CALN1: variants seen among roughly 807,000 people sequenced by gnomAD.
The protein encoded by CALN1 is calneuron 1.
In CALN1, 17 loss-of-function variants were observed where a neutral mutation model predicts 30.6. The ratio of observed to expected loss-of-function variants is 0.56; its 90% CI spans 0.38 to 0.83. CALN1 has a LOEUF of 0.83. CALN1 is among the 40% of genes least tolerant of loss of function. The pLI, the probability that CALN1 is intolerant of heterozygous loss-of-function variation, is 0.00. For missense variants in CALN1, 291 were observed against 354.9 expected (o/e 0.82, Z 1.45); for synonymous variants, 156 against 131.4 (o/e 1.19, Z -1.28).
intron 5 of CALN1, among the ~76,000 whole-genome samples, chr7:71,920,651 T>C (rs536597426): frequency 6.6e-6 from 1 of 152,178 alleles, no homozygotes; most frequent in South Asian, 2.1e-4. Flanking sequence ...TTAGTTTTTT[T>C]ATGGACAGTT....
At chr7:72,099,723 C>T (rs1044001771) in intron 4 of CALN1, among the ~76,000 whole-genome samples, 2 of 152,074 alleles carry the variant, frequency 1.3e-5, no homozygotes, top group African/African-American at 4.8e-5. Context: ...GGATTTTGTA[C>T]TAAATCTTTT....
the CALN1 span, among the ~76,000 whole-genome samples, chr7:72,483,301 T>TTTTTG: frequency 8.0e-6 from 1 of 124,290 alleles, no homozygotes; most frequent in African/African-American, 3.0e-5. Context: ...TTTTTTTTTT[T>TTTTTG]TGAGACAAAG....
At chr7:72,202,449 AAG>A (rs1480582545) in intron 3 of CALN1, among the ~76,000 whole-genome samples, 1 of 152,236 alleles carries the variant, frequency 6.6e-6, no homozygotes, top group Non-Finnish European at 1.5e-5. Flanking sequence ...GTTCTATAAA[AAG>A]AGATCCTCAC....
chr7:72,076,554 C>T (rs547354696), intron 4 of CALN1, among the ~76,000 whole-genome samples: 9 of 135,076 alleles, frequency 6.7e-5, no homozygotes, highest in East Asian at 4.2e-4. Context: ...GCCGAGATCA[C>T]GCCACTGCAC....
At chr7:72,330,093 G>C (rs1801561301) in intron 2 of CALN1, among the ~76,000 whole-genome samples, 1 of 152,034 alleles carries the variant, frequency 6.6e-6, no homozygotes, top group South Asian at 2.1e-4. Context: ...AGGAGTTCAA[G>C]ACCAGCCTGG....
chr7:72,083,094 G>A (rs1805255704), intron 4 of CALN1, among the ~76,000 whole-genome samples: 2 of 152,036 alleles, frequency 1.3e-5, no homozygotes, highest in South Asian at 4.2e-4. Flanking sequence ...CCAGCTACTC[G>A]GGAGACTGAG....
intron 5 of CALN1, among the ~76,000 whole-genome samples, chr7:71,861,048 C>A (rs1411732799): frequency 6.6e-6 from 1 of 152,040 alleles, no homozygotes; most frequent in Non-Finnish European, 1.5e-5. Context: ...TACAGAGAGG[C>A]AGAACAAGGA....
chr7:72,030,235 A>G (rs1189157341), intron 4 of CALN1, among the ~76,000 whole-genome samples: 1 of 152,164 alleles, frequency 6.6e-6, no homozygotes, highest in African/African-American at 2.4e-5. Context: ...TTGTTACTCA[A>G]TGAGCAAAGG....
chr7:72,389,014 G>C (rs772083158), intron 2 of CALN1, among the ~76,000 whole-genome samples: 17 of 152,134 alleles, frequency 1.1e-4, no homozygotes, highest in Non-Finnish European at 2.5e-4. Flanking sequence ...CTCTGTTCTG[G>C]AAACACCCTG....
chr7:72,263,278 T>A (rs921841842), intron 3 of CALN1, among the ~76,000 whole-genome samples: 4 of 152,208 alleles, frequency 2.6e-5, no homozygotes, highest in African/African-American at 7.2e-5. Context: ...TCTCTTATTA[T>A]CCCTATAAAG....
chr7:72,209,073 C>T (rs1302700070), intron 3 of CALN1, among the ~76,000 whole-genome samples: 2 of 133,382 alleles, frequency 1.5e-5, no homozygotes, highest in African/African-American at 2.9e-5. Context: ...ATCCTGTCCT[C>T]TCTCCTTCCC....
Position 71,781,976 on chromosome 7 carries a change from T to G in CALN1, c.*5799A>C, listed in dbSNP as rs1011061427. 1.3e-5 allele frequency: 2 copies of G among 152,218 alleles called. No individual in the cohort carries two copies. The highest frequency in any genetic ancestry group is 2.9e-5 in the Non-Finnish European group (2 of 68,046). 9.4% of individuals were successfully genotyped at this position (152,218 alleles called of 1,614,324 possible). A position where few individuals can be genotyped will look rare whatever the true frequency, so the allele number is the denominator to read the frequency against. The stretch of plus-strand genomic sequence containing the variant: ...GGAGACGTTTTGAACAGTATTGTCA[T>G]GTCTCTCGAGACCCTATGAAGAGTC... On this transcript the variant is annotated 3_prime_UTR_variant, in exon 7 of 7. Coordinates refer to ENST00000395275, the MANE Select transcript of CALN1 (RefSeq NM_031468.4).
chr7:72,446,712 C>T (rs1001451282), intron 1 of CALN1, among the ~76,000 whole-genome samples: 2 of 152,068 alleles, frequency 1.3e-5, no homozygotes, highest in African/African-American at 4.8e-5. Context: ...GGGAAAGGAC[C>T]CGGCCGGGAG....
At chr7:72,359,993 C>CAAAAAAAAAA (rs1267520809) in intron 2 of CALN1, among the ~76,000 whole-genome samples, 55 of 78,356 alleles carry the variant, frequency 7.0e-4, no homozygotes, top group East Asian at 2.2e-3. Context: ...AAAAAAAAAC[C>CAAAAAAAAAA]AAAGTTGACC....
intron 5 of CALN1, among the ~76,000 whole-genome samples, chr7:71,979,636 C>CA (rs1327774477): frequency 1.3e-5 from 2 of 152,110 alleles, no homozygotes; most frequent in African/African-American, 4.8e-5. Flanking sequence ...TGCTTCCTAA[C>CA]AGGTCATGGA....
chr7:72,445,057 AACACACACACACACACACACACAC>A lies in CALN1; in HGVS notation c.-226+1961_-226+1984del, dbSNP rs4029789. ...AAAGCCAGCAGCCATCAGTGAATTA[AACACACACACACACACACACACAC>A]ACACACACACACACACACACACACA... On this transcript the variant is annotated intron_variant, in intron 1 of 6. Coordinates refer to the CALN1 transcript ENST00000395276. 2.2e-5 allele frequency among the ~76,000 whole-genome samples: 3 copies of A among 138,944 alleles called. No homozygotes were observed. In the East Asian group the frequency reaches 6.4e-4, roughly 30 times the overall value. The allele number at this position is 138,944 out of a possible 152,430, so 91.2% of individuals were successfully genotyped here.
chr7:72,325,985 T>C (rs986217307), intron 2 of CALN1, among the ~76,000 whole-genome samples: 2 of 152,196 alleles, frequency 1.3e-5, no homozygotes, highest in Non-Finnish European at 2.9e-5. Context: ...CACTGCAACC[T>C]CCACCTCCCG....
intron 2 of CALN1, among the ~76,000 whole-genome samples, chr7:72,350,180 A>C (rs938834613): frequency 1.3e-5 from 2 of 152,200 alleles, no homozygotes; most frequent in African/African-American, 4.8e-5. Flanking sequence ...TTATGCCAGT[A>C]ATATTTATTG....
chr7:71,801,375 G>GTTAT, intron 6 of CALN1, among the ~76,000 whole-genome samples: 1 of 128,694 alleles, frequency 7.8e-6, no homozygotes, highest in African/African-American at 2.8e-5. Flanking sequence ...ACCATGCCTG[G>GTTAT]TTATGTATGT....
Sources: allele counts gnomAD v4.1 joint callset (sites outside exome capture counted in the v4.1 genomes callset), GRCh38; gene constraint gnomAD v4.1.1; transcripts MANE v1.5; gene names NCBI Gene and HGNC (gene_info 2026-07-23, HGNC 2026-07-21).